ARHGAP32: variants seen among roughly 807,000 people sequenced by gnomAD.
ARHGAP32 encodes the protein Rho GTPase activating protein 32, also known as rho GTPase-activating protein 32.
A neutral mutation model predicts 186.5 loss-of-function variants in ARHGAP32; 51 were observed. That is an observed-to-expected ratio of 0.27 (90% confidence interval 0.22 to 0.35). ARHGAP32 has a LOEUF of 0.35. ARHGAP32 is among the 10% of genes least tolerant of loss of function. The pLI is 1.00. For synonymous variants in ARHGAP32, 950 were observed against 964.3 expected, an observed-to-expected ratio of 0.99 and a Z score of 0.27; for missense variants, 2,186 against 2,623.5, an observed-to-expected ratio of 0.83 and a Z score of 3.64.
At chr11:129,023,987 C>T (rs1938716193) in intron 11 of ARHGAP32, 1 of 985,370 alleles carries the variant, frequency 1.0e-6, no homozygotes, top group Non-Finnish European at 1.2e-6. Flanking sequence ...AATCATAATC[C>T]AACTGGTTCC....
chr11:129,102,621 T>C (rs1941933993), intron 5 of ARHGAP32, among the ~76,000 whole-genome samples: 1 of 152,080 alleles, frequency 6.6e-6, no homozygotes, highest in African/African-American at 2.4e-5. Flanking sequence ...ATGTTCAAAA[T>C]CACTAATCAT....
intron 11 of ARHGAP32, chr11:129,024,115 G>A (rs1299511457): frequency 2.0e-6 from 2 of 985,346 alleles, no homozygotes; most frequent in Non-Finnish European, 2.4e-6. Flanking sequence ...CCAGTCAGTG[G>A]AGCCCAGCAA....
At chr11:129,039,831 A>T (rs1018836004) in intron 11 of ARHGAP32, among the ~76,000 whole-genome samples, 2 of 152,184 alleles carry the variant, frequency 1.3e-5, no homozygotes, top group African/African-American at 4.8e-5. Context: ...GGAGCTTTTT[A>T]AAAAAGTTTA....
At chr11:129,128,836 C>G (rs972119283) in intron 2 of ARHGAP32, among the ~76,000 whole-genome samples, 1 of 152,192 alleles carries the variant, frequency 6.6e-6, no homozygotes, top group Non-Finnish European at 1.5e-5. Flanking sequence ...CTGCCTGCCT[C>G]GGCCTCCCGA....
At chr11:129,219,074 G>A (rs1356256640) in intron 1 of ARHGAP32, among the ~76,000 whole-genome samples, 1 of 152,134 alleles carries the variant, frequency 6.6e-6, no homozygotes, top group Non-Finnish European at 1.5e-5. Flanking sequence ...ACATCAACCA[G>A]CCATTGGGCC....
intron 1 of ARHGAP32, among the ~76,000 whole-genome samples, chr11:129,255,455 A>C (rs918495240): frequency 1.3e-5 from 2 of 152,142 alleles, no homozygotes; most frequent in Admixed American, 6.6e-5. Flanking sequence ...AAAACAGATC[A>C]TCTCTCAGAC....
intron 6 of ARHGAP32, among the ~76,000 whole-genome samples, chr11:129,070,163 A>G (rs979788277): frequency 1.3e-5 from 2 of 152,048 alleles, no homozygotes; most frequent in African/African-American, 2.4e-5. Flanking sequence ...TTGACCATAT[A>G]TAACTATTCC....
chr11:129,133,292 G>C (rs1351223056), intron 2 of ARHGAP32, among the ~76,000 whole-genome samples: 1 of 152,062 alleles, frequency 6.6e-6, no homozygotes, highest in Non-Finnish European at 1.5e-5. Context: ...AATATCAAAA[G>C]CTCTAACACT....
At chr11:129,174,424 C>T (rs928168927) in intron 1 of ARHGAP32, among the ~76,000 whole-genome samples, 1 of 152,222 alleles carries the variant, frequency 6.6e-6, no homozygotes, top group Admixed American at 6.5e-5. Context: ...AAAGCTCGAA[C>T]TGGGTAGAGC....
intron 3 of ARHGAP32, among the ~76,000 whole-genome samples, chr11:129,124,310 C>A (rs1172206977): frequency 6.6e-6 from 1 of 151,998 alleles, no homozygotes; most frequent in Non-Finnish European, 1.5e-5. Flanking sequence ...GTGAAATTTC[C>A]CATTTGTGCT....
chr11:129,273,450 G>C (rs1945495065), intron 1 of ARHGAP32, among the ~76,000 whole-genome samples: 1 of 152,138 alleles, frequency 6.6e-6, no homozygotes, highest in Non-Finnish European at 1.5e-5. Flanking sequence ...ATGGAAACTG[G>C]ACCTTTGGAG....
At chr11:129,235,147 C>T (rs1051717935) in intron 1 of ARHGAP32, among the ~76,000 whole-genome samples, 1 of 152,180 alleles carries the variant, frequency 6.6e-6, no homozygotes, top group African/African-American at 2.4e-5. Context: ...TGTGGCCCTG[C>T]TGACATCTTG....
At chr11:129,036,153 C>T (rs956228888) in intron 11 of ARHGAP32, among the ~76,000 whole-genome samples, 22 of 151,906 alleles carry the variant, frequency 1.4e-4, no homozygotes, top group South Asian at 4.1e-4. Context: ...CTGAGGTGGG[C>T]GGATCACCTG....
intron 6 of ARHGAP32, among the ~76,000 whole-genome samples, chr11:129,092,717 A>G (rs969603241): frequency 2.6e-5 from 4 of 152,054 alleles, no homozygotes; most frequent in East Asian, 1.9e-4. Flanking sequence ...TAAAAACTTC[A>G]GTATATCACA....
At chr11:129,001,538 A>T (rs1416460780) in intron 11 of ARHGAP32, among the ~76,000 whole-genome samples, 1 of 152,152 alleles carries the variant, frequency 6.6e-6, no homozygotes, top group Non-Finnish European at 1.5e-5. Context: ...GTAGTTTGCA[A>T]ATATTTTCTC....
Position 128,967,925 on chromosome 11 carries a change from T to C in ARHGAP32, c.*982A>G, listed in dbSNP as rs997538302. ...TCTATCCAGTCAAACCATGCTGGGC[T>C]TTTTTTTTTTTTTTTTTTTTTAATG... On this transcript the variant is annotated 3_prime_UTR_variant, in exon 23 of 23. Transcript: ENST00000682385. 1.2e-5 allele frequency: 1 copy of C among 81,770 alleles called. No homozygotes were observed. Among genetic ancestry groups the C allele is most frequent in the Non-Finnish European group, 2.5e-5 (1 of 39,334 alleles). 5.1% of individuals were successfully genotyped at this position (81,770 alleles called of 1,614,324 possible).
intron 11 of ARHGAP32, among the ~76,000 whole-genome samples, chr11:129,024,680 T>TTG (rs1938754476): frequency 6.6e-6 from 1 of 152,314 alleles, no homozygotes; most frequent in African/African-American, 2.4e-5. Flanking sequence ...AAATCCAGAA[T>TTG]TAAACAAGTT....
intron 11 of ARHGAP32, among the ~76,000 whole-genome samples, chr11:129,029,231 G>A (rs928863994): frequency 2.0e-5 from 3 of 152,030 alleles, no homozygotes; most frequent in Non-Finnish European, 2.9e-5. Context: ...TACTCCTATT[G>A]TAGTAAAAGC....
chr11:129,155,851 C>T (rs904229552), intron 2 of ARHGAP32, among the ~76,000 whole-genome samples: 2 of 152,184 alleles, frequency 1.3e-5, no homozygotes, highest in African/African-American at 4.8e-5. Flanking sequence ...GGCGGGTGAT[C>T]TCTGCATTTA....
Sources: gnomAD v4.1 joint callset for allele counts (sites outside exome capture counted in the v4.1 genomes callset) on GRCh38, gnomAD v4.1.1 for gene constraint, MANE v1.5 for transcripts, NCBI Gene and HGNC (gene_info 2026-07-23, HGNC 2026-07-21) for gene names.